The following NAV3 variants were observed in gnomAD, a reference collection of about 807,000 sequenced individuals.
NAV3 encodes neuron navigator 3.
Under a neutral mutation model 244.7 loss-of-function variants are expected in NAV3, and 87 were observed. The ratio of observed to expected loss-of-function variants is 0.36; its 90% confidence interval spans 0.30 to 0.42. NAV3 has a LOEUF of 0.42. Ranked by LOEUF, NAV3 falls within the 20% of genes least tolerant of loss-of-function variation. NAV3 has a pLI of 1.00. For missense variants in NAV3, 2,663 were observed against 2,893.3 expected (o/e 0.92, Z 1.83); for synonymous variants, 1,126 against 1,042.2 (o/e 1.08, Z -1.55).
chr12:77,704,414 G>A (rs1466899269), intron 2 of NAV3, among the ~76,000 whole-genome samples: 2 of 152,098 alleles, frequency 1.3e-5, no homozygotes, highest in Non-Finnish European at 2.9e-5. Flanking sequence ...GAAAGCTGCC[G>A]TATCCCAAAT....
At chr12:78,160,761 G>A (rs879321553) in intron 23 of NAV3, among the ~76,000 whole-genome samples, 2 of 151,814 alleles carry the variant, frequency 1.3e-5, no homozygotes, top group African/African-American at 4.8e-5. Flanking sequence ...TACCCTGCCC[G>A]TGAGAGAGAA....
chr12:77,867,020 C>T (rs1880147382), intron 1 of NAV3, among the ~76,000 whole-genome samples: 5 of 152,128 alleles, frequency 3.3e-5, no homozygotes, highest in Admixed American at 3.3e-4. Flanking sequence ...CTTTGGTAGA[C>T]CCAATGGTGA....
chr12:78,010,296 G>A (rs891366826), intron 8 of NAV3, among the ~76,000 whole-genome samples: 2 of 152,144 alleles, frequency 1.3e-5, no homozygotes, highest in Non-Finnish European at 2.9e-5. Flanking sequence ...CTATCCCCAT[G>A]TAAGAATCCC....
chr12:77,721,744 A>T (rs1011465899), intron 2 of NAV3, among the ~76,000 whole-genome samples: 2 of 152,160 alleles, frequency 1.3e-5, no homozygotes, highest in African/African-American at 4.8e-5. Context: ...AAAGTACTCT[A>T]TGGGAATGTA....
chr12:78,070,414 T>C (rs890394731), intron 12 of NAV3, among the ~76,000 whole-genome samples: 1 of 151,974 alleles, frequency 6.6e-6, no homozygotes, highest in African/African-American at 2.4e-5. Flanking sequence ...TTTTTTTTTT[T>C]TTTTAAAGTG....
chr12:78,017,556 G>A (rs1876435616), intron 8 of NAV3, among the ~76,000 whole-genome samples: 1 of 152,084 alleles, frequency 6.6e-6, no homozygotes, highest in Non-Finnish European at 1.5e-5. Flanking sequence ...GTCTACATAG[G>A]ACCATGTTGC....
At chr12:77,945,666 A>G (rs1890264302) in intron 3 of NAV3, among the ~76,000 whole-genome samples, 2 of 152,190 alleles carry the variant, frequency 1.3e-5, no homozygotes, top group Admixed American at 1.3e-4. Context: ...TTAAATTAAT[A>G]TAACAACTTC....
At chr12:77,607,895 G>C (rs1870742621) in intron 2 of NAV3, among the ~76,000 whole-genome samples, 1 of 152,058 alleles carries the variant, frequency 6.6e-6, no homozygotes, top group Admixed American at 6.6e-5. Context: ...GTAAATAATT[G>C]GTGCCGAATA....
intron 38 of NAV3, 87 bp from the exon 39 acceptor site, chr12:78,204,848 C>CA: frequency 8.3e-7 from 1 of 1,207,368 alleles, no homozygotes; most frequent in South Asian, 1.4e-5. Context: ...CTCAATATGT[C>CA]AAAAAATCAC....
At chr12:77,625,638 A>G (rs555451386) in intron 2 of NAV3, among the ~76,000 whole-genome samples, 2 of 152,348 alleles carry the variant, frequency 1.3e-5, no homozygotes, top group African/African-American at 4.8e-5. Context: ...CACAGCCTTC[A>G]CTAACTACTG....
At position 77,752,351 on chromosome 12, in the gene NAV3, G is replaced by A. The variant is rs193126893; in HGVS notation, c.72+180085G>A. ...GATCTATAGACAGGATGTTTGTGTC[G>A]CTTTTATAGGGACGCAACTACTACC... On this transcript the variant is annotated intron_variant, in intron 2 of 8. Coordinates refer to the NAV3 transcript ENST00000550042. 2.0e-3 allele frequency among the ~76,000 whole-genome samples: 311 copies of A among 152,158 alleles called. 7 individuals carry two copies. The highest frequency in any genetic ancestry group is 5.3e-4 in the Non-Finnish European group (36 of 68,004).
At position 77,707,371 on chromosome 12, in the gene NAV3, C is replaced by T. The variant is rs559957085; in HGVS notation, c.72+135105C>T. Reference sequence around the variant, plus strand: ...ATGGTTTCCAGCTTCATCCATGTCCCTACAAAGGACATGAACTCATCCTTT... The same window carrying T: ...ATGGTTTCCAGCTTCATCCATGTCCTTACAAAGGACATGAACTCATCCTTT... On this transcript the variant is annotated intron_variant, in intron 2 of 8. Coordinates refer to the NAV3 transcript ENST00000550042. 3.9e-5 allele frequency among the ~76,000 whole-genome samples: 6 copies of T among 152,184 alleles called. No individual in the cohort carries two copies. The South Asian group carries it at 1.0e-3, about 26-fold the overall frequency.
chr12:78,018,930 G>A lies in NAV3; in HGVS notation c.1908-2817G>A, dbSNP rs115827486. Among the ~76,000 whole-genome samples, 388 of 152,172 alleles carry A rather than the reference G, an allele frequency of 2.5e-3. 1 individual carries two copies. Among genetic ancestry groups the A allele is most frequent in the African/African-American group, 8.9e-3 (370 of 41,476 alleles). On this transcript the variant is annotated intron_variant, in intron 8 of 39. Transcript: ENST00000397909. The stretch of plus-strand genomic sequence containing the variant: ...AAGCCAGGTGGAAGAACAGACTTTA[G>A]TAGACTTTAGAAACGAATGGGGAGG...
intron 2 of NAV3, among the ~76,000 whole-genome samples, chr12:77,582,898 TA>T (rs1869433265): frequency 6.6e-6 from 1 of 152,234 alleles, no homozygotes; most frequent in South Asian, 2.1e-4. Context: ...AAATATTAAA[TA>T]AAATACATAT....
chr12:77,572,293 C>T lies in NAV3; in HGVS notation c.72+27C>T, dbSNP rs1419258517. The T allele has an allele frequency of 3.2e-5, 5 of 154,222 alleles. No homozygotes were observed. The Admixed American group carries it at 3.3e-4, about 10-fold the overall frequency. 9.6% of individuals were successfully genotyped at this position (154,222 alleles called of 1,614,324 possible). On this transcript the variant is annotated intron_variant, in intron 2 of 8. Transcript: ENST00000550042. Reference sequence around the variant, plus strand: ...TAAAAGAAATTTCTCTTTGCTTGGTCCTTTTTGTTTACACTTAAAGAGAAT... The same window carrying T: ...TAAAAGAAATTTCTCTTTGCTTGGTTCTTTTTGTTTACACTTAAAGAGAAT...
At chr12:78,012,028 T>G (rs1875377101) in intron 8 of NAV3, among the ~76,000 whole-genome samples, 1 of 151,970 alleles carries the variant, frequency 6.6e-6, no homozygotes, top group African/African-American at 2.4e-5. Flanking sequence ...GGTCCCTCCC[T>G]CTACACATGG....
At chr12:77,816,612 G>A (rs925681590) in intron 2 of NAV3, among the ~76,000 whole-genome samples, 4 of 152,078 alleles carry the variant, frequency 2.6e-5, no homozygotes, top group Admixed American at 6.6e-5. Context: ...ACATGTGCTC[G>A]GCTATCATCT....
chr12:77,809,107 C>T (rs1872150739), intron 2 of NAV3, among the ~76,000 whole-genome samples: 2 of 152,184 alleles, frequency 1.3e-5, no homozygotes, highest in Non-Finnish European at 2.9e-5. Context: ...CCTTGCTGGG[C>T]TCTGTGCGGG....
chr12:78,157,988 T>C (rs1385442846), intron 22 of NAV3, among the ~76,000 whole-genome samples: 1 of 152,182 alleles, frequency 6.6e-6, no homozygotes, highest in East Asian at 1.9e-4. Context: ...TGTATCATAA[T>C]GCTAATGGAA....
Sources: gnomAD v4.1 joint callset for allele counts (sites outside exome capture counted in the v4.1 genomes callset) on GRCh38, gnomAD v4.1.1 for gene constraint, MANE v1.5 for transcripts, NCBI Gene and HGNC (gene_info 2026-07-23, HGNC 2026-07-21) for gene names.